The following USP43 variants were observed in gnomAD, a reference collection of about 807,000 sequenced individuals.
The protein encoded by USP43 is ubiquitin carboxyl-terminal hydrolase 43.
A neutral mutation model predicts 90.7 loss-of-function variants in USP43; 33 were observed. The ratio of observed to expected loss-of-function variants is 0.36; its 90% confidence interval spans 0.28 to 0.49. USP43 has a LOEUF of 0.49. Among genes scored for constraint, USP43 ranks in the 20% least tolerant of loss-of-function variants. The probability of loss-of-function intolerance (pLI) is 0.98; values close to 1 mark genes in which losing one functional copy is unlikely to be tolerated. For missense variants in USP43, 1,274 were observed against 1,476.4 expected, an observed-to-expected ratio of 0.86 and a Z score of 2.25; for synonymous variants, 598 against 615.8, an observed-to-expected ratio of 0.97 and a Z score of 0.43.
intron 14 of USP43, among the ~76,000 whole-genome samples, chr17:9,713,091 T>C (rs1916300590): frequency 6.6e-6 from 1 of 151,942 alleles, no homozygotes; most frequent in Non-Finnish European, 1.5e-5. Flanking sequence ...TCTAACTGTA[T>C]ATTTGTACTT....
chr17:9,718,894 T>C (rs1916767102), intron 14 of USP43, among the ~76,000 whole-genome samples: 1 of 151,320 alleles, frequency 6.6e-6, no homozygotes, highest in South Asian at 2.1e-4. Flanking sequence ...TACTATTTCA[T>C]GCAGTATGTT....
At chr17:9,715,554 GTGTGTGTGTGTCTC>G (rs1395414316) in intron 14 of USP43, among the ~76,000 whole-genome samples, 1 of 123,772 alleles carries the variant, frequency 8.1e-6, no homozygotes, top group Non-Finnish European at 1.6e-5. Context: ...CTGTGTCTTT[GTGTGTGTGTGTCTC>G]TGTGTGTGTG....
chr17:9,675,919 G>A (rs1399103050), intron 4 of USP43, among the ~76,000 whole-genome samples: 2 of 152,150 alleles, frequency 1.3e-5, no homozygotes. Context: ...ACTGACTCTG[G>A]AGCCAGACGG....
Position 9,686,124 on chromosome 17 carries a change from A to G in USP43, c.1242-674A>G, listed in dbSNP as rs139617553. ...CCTCCAGCCTCATCCATCTTGCCGC[A>G]AACAACAGGATTTCATTTCTTTTTT... On this transcript the variant is annotated intron_variant, in intron 7 of 14. Coordinates refer to ENST00000285199, the MANE Select transcript of USP43 (RefSeq NM_153210.5). This position sits in a 1 kb window ranked among gnomAD's most constrained non-coding sequence, Gnocchi z 5.5. 2.3e-3 allele frequency among the ~76,000 whole-genome samples: 350 copies of G among 152,292 alleles called. 1 individual carries two copies. The highest frequency in any genetic ancestry group is 3.6e-3 in the Non-Finnish European group (243 of 68,014).
rs1053473352 is a variant in USP43 at position 9,694,421 on chromosome 17, T to C, written c.1457+1191T>C. On this transcript the variant is annotated intron_variant, in intron 9 of 14. Coordinates refer to ENST00000285199, the MANE Select transcript of USP43 (RefSeq NM_153210.5). ...ACTCAGTCTTGGAGATAACCCAAAG[T>C]GGTTCTGTAGACTGCCAGCCTGTGA... Among the ~76,000 whole-genome samples, 245 of 152,292 alleles carry C rather than the reference T, an allele frequency of 1.6e-3. 1 individual carries two copies. Among genetic ancestry groups the C allele is most frequent in the African/African-American group, 5.8e-3 (242 of 41,570 alleles).
rs760479450 is a variant in USP43 at position 9,728,651 on chromosome 17, T to C, written c.3033T>C (p.Asn1011=). The C allele has an allele frequency of 2.5e-6, 4 of 1,613,542 alleles. No individual in the cohort carries two copies. Among genetic ancestry groups the C allele is most frequent in the South Asian group, 2.2e-5 (2 of 91,028 alleles). The part of the protein sequence containing the change: ...SVFRKKENRR[N]ERAEVSPQVP... ...TTCGGAAGAAGGAGAACAGGAGGAATGAGAGGGCAGAGGTCTCTCCACAGG... is the reference window on the plus strand; with the variant it reads ...TTCGGAAGAAGGAGAACAGGAGGAACGAGAGGGCAGAGGTCTCTCCACAGG... Residue 1011 remains asparagine (N), a synonymous_variant, in exon 15 of 15, where the codon AAT becomes AAC. Transcript: ENST00000285199. The surrounding 1 kb of genome is among the most constrained non-coding windows in gnomAD (Gnocchi z 6.2).
rs375496339 is a variant in USP43, at chr17:9,674,971, T to C, written c.821T>C (p.Leu274Ser). The C allele has an allele frequency of 6.2e-7, 1 of 1,613,896 alleles. No individual in the cohort carries two copies. Among genetic ancestry groups the C allele is most frequent in the African/African-American group, 1.3e-5 (1 of 74,926 alleles). ...PFLCVSLPIP[L>S]RQTRFLSVTL... ...CTGTGTGTGTCCCTACCTATCCCCT[T>C]GCGCCAGACGAGGTACGTGAGTGTC... is the stretch of plus-strand genomic sequence containing the variant. The change falls in exon 4 of 15, where the codon TTG becomes TCG. Residue 274 changes from leucine (L) to serine (S), a missense_variant. This residue lies in a region of USP43 where 259 missense variants were observed against 373.7 expected (regional missense o/e 0.69). Coordinates refer to ENST00000285199, the MANE Select transcript of USP43 (RefSeq NM_153210.5). The surrounding 1 kb of genome is among the most constrained non-coding windows in gnomAD (Gnocchi z 4.4).
chr17:9,675,102 G>T, intron 4 of USP43, 119 bp downstream of exon 4: 1 of 857,008 alleles, frequency 1.2e-6, no homozygotes, highest in Non-Finnish European at 1.9e-6. Flanking sequence ...GCATTTCTCT[G>T]GAAACCAGCC....
chr17:9,646,665 G>A (rs1410268710), intron 1 of USP43, among the ~76,000 whole-genome samples: 1 of 152,152 alleles, frequency 6.6e-6, no homozygotes, highest in East Asian at 1.9e-4. Flanking sequence ...GGAAAGAAAA[G>A]CAGTGGCGTT....
chr17:9,724,934 G>A (rs984606490), intron 14 of USP43, among the ~76,000 whole-genome samples: 1 of 131,722 alleles, frequency 7.6e-6, no homozygotes, highest in Non-Finnish European at 1.5e-5. Context: ...TGTGGCGGGG[G>A]GCAGGGGGGC....
At chr17:9,715,461 A>C (rs916913644) in intron 14 of USP43, among the ~76,000 whole-genome samples, 3 of 152,122 alleles carry the variant, frequency 2.0e-5, no homozygotes, top group Non-Finnish European at 4.4e-5. Context: ...TCAAAAAAAC[A>C]AACAAAAAAA....
At chr17:9,657,472 C>A (rs762392042) in intron 2 of USP43, among the ~76,000 whole-genome samples, 1 of 151,006 alleles carries the variant, frequency 6.6e-6, no homozygotes, top group African/African-American at 2.4e-5. Flanking sequence ...TGCACTCCAG[C>A]CTGGGTGACA....
intron 3 of USP43, among the ~76,000 whole-genome samples, chr17:9,668,640 G>T (rs1913197275): frequency 6.6e-6 from 1 of 152,166 alleles, no homozygotes; most frequent in African/African-American, 2.4e-5. Flanking sequence ...CTGCTTGCTT[G>T]AGGTTGTTTA....
At chr17:9,704,960 A>C (rs1351580005) in intron 12 of USP43, among the ~76,000 whole-genome samples, 1 of 152,214 alleles carries the variant, frequency 6.6e-6, no homozygotes, top group Non-Finnish European at 1.5e-5. Flanking sequence ...TAGAAATCTC[A>C]AATGCCTTTT....
intron 2 of USP43, among the ~76,000 whole-genome samples, chr17:9,663,660 G>T (rs886899926): frequency 1.3e-5 from 2 of 152,080 alleles, no homozygotes; most frequent in African/African-American, 4.8e-5. Context: ...TTTTGCTCTT[G>T]TTGCCCAGGC....
At position 9,676,788 on chromosome 17, in the gene USP43, G is replaced by T. The variant is rs749909327; in HGVS notation, c.876G>T (p.Arg292=). Residue 292 remains arginine, a synonymous_variant, in exon 5 of 15, where the codon CGG becomes CGT. Coordinates refer to ENST00000285199, the MANE Select transcript of USP43 (RefSeq NM_153210.5). ...TGGTCTTCCCCTCTAAGAGCCAGCGGTTCCTGCGGGTTGGCCTGGCCGTGC... is the reference window on the plus strand; with the variant it reads ...TGGTCTTCCCCTCTAAGAGCCAGCGTTTCCTGCGGGTTGGCCTGGCCGTGC... ...VTLVFPSKSQ[R]FLRVGLAVPI... The T allele has an allele frequency of 1.5e-5, 24 of 1,613,872 alleles. No homozygotes were observed. In the South Asian group the frequency reaches 2.6e-4, roughly 18 times the overall value.
intron 6 of USP43, among the ~76,000 whole-genome samples, chr17:9,682,456 G>C (rs559095973): frequency 6.6e-6 from 1 of 152,290 alleles, no homozygotes; most frequent in East Asian, 1.9e-4. Context: ...CACAATCCCA[G>C]CTACTGGAGA....
chr17:9,714,544 A>G (rs1455565330), intron 14 of USP43, among the ~76,000 whole-genome samples: 1 of 151,898 alleles, frequency 6.6e-6, no homozygotes, highest in Non-Finnish European at 1.5e-5. Context: ...TTAGCTGGGC[A>G]TGGTGGCGCA....
chr17:9,682,830 A>G lies in USP43; in HGVS notation c.1113A>G (p.Pro371=). 2 of 1,613,938 alleles carry G rather than the reference A, an allele frequency of 1.2e-6. No individual in the cohort carries two copies. Among genetic ancestry groups the G allele is most frequent in the Non-Finnish European group, 8.5e-7 (1 of 1,179,854 alleles). ...SPSQGTLSAH[P]LGLSASPRLA... ...TCATTCTCTCCCTTCTAGCTCATCC[A>G]CTGGGTCTGTCGGCCTCCCCACGCC... Residue 371 remains proline (P), a synonymous_variant, in exon 7 of 15, where the codon CCA becomes CCG. Coordinates refer to ENST00000285199, the MANE Select transcript of USP43 (RefSeq NM_153210.5).
Sources: gnomAD v4.1 joint callset for allele counts (sites outside exome capture counted in the v4.1 genomes callset) on GRCh38, gnomAD v4.1.1 for gene constraint, gnomAD v4.1.1 regional missense constraint, Gnocchi (gnomAD v3.1) non-coding constraint, MANE v1.5 for transcripts, NCBI Gene and HGNC (gene_info 2026-07-23, HGNC 2026-07-21) for gene names.